Variants in ARHGEF6 observed in about 807,000 individuals in gnomAD.
ARHGEF6 encodes the protein rho guanine nucleotide exchange factor 6.
A neutral mutation model predicts 70.3 loss-of-function variants in ARHGEF6; 9 were observed. That is an observed-to-expected ratio of 0.13 (90% CI 0.08 to 0.22). ARHGEF6 has a LOEUF of 0.22. Among genes scored for constraint, ARHGEF6 ranks in the 10% least tolerant of loss-of-function variants. ARHGEF6 has a pLI of 1.00. For synonymous variants in ARHGEF6, 201 were observed against 207.8 expected (o/e 0.97, Z 0.28); for missense variants, 470 against 563.0 (o/e 0.83, Z 1.67).
At chrX:136,769,856 A>T (rs981759678) in intron 2 of ARHGEF6, among the ~76,000 whole-genome samples, 1 of 112,364 alleles carries the variant, frequency 8.9e-6, no homozygotes, top group Non-Finnish European at 1.9e-5. Context: ...CCATTCTGTA[A>T]GAAAGTAAGA....
chrX:136,741,286 T>C (rs1267556522), intron 5 of ARHGEF6, among the ~76,000 whole-genome samples: 1 of 111,876 alleles, frequency 8.9e-6, no homozygotes, highest in East Asian at 2.8e-4. Flanking sequence ...ATCCCATTTA[T>C]ACGTGAAGAC....
intron 7 of ARHGEF6, among the ~76,000 whole-genome samples, chrX:136,711,164 G>C (rs1342056217): frequency 8.9e-6 from 1 of 111,835 alleles, no homozygotes; most frequent in African/African-American, 3.3e-5. Flanking sequence ...TCTCACTACT[G>C]AGTATTTAGC....
At chrX:136,774,221 C>T (rs772682432) in intron 2 of ARHGEF6, 3 of 111,700 alleles carry the variant, frequency 2.7e-5, no homozygotes, top group Non-Finnish European at 5.6e-5. Context: ...AAATCCTGAA[C>T]AATGCCTAAC....
rs149207150 is a variant in ARHGEF6, at chrX:136,693,654, T to C, written c.1047-2906A>G. Among the ~76,000 whole-genome samples the C allele has an allele frequency of 8.2e-3, 916 of 112,156 alleles. 1 individual carries two copies. The highest frequency in any genetic ancestry group is 0.046 in the South Asian group (125 of 2,716). ...ACATACATTTATTTCATAGAATGCA[T>C]GGTGGATGGGGCTCTGGGATATTCT... On this transcript the variant is annotated intron_variant, in intron 9 of 21. Transcript: ENST00000250617.
chrX:136,739,304 C>T (rs878985834), intron 5 of ARHGEF6, among the ~76,000 whole-genome samples: 5 of 112,125 alleles, frequency 4.5e-5, no homozygotes, highest in Admixed American at 3.8e-4. Context: ...ACTGTTCCTA[C>T]AGCATCTTAC....
intron 19 of ARHGEF6, among the ~76,000 whole-genome samples, 176 bp from the exon 20 acceptor site, chrX:136,672,295 G>A (rs1434360053): frequency 1.8e-5 from 2 of 111,836 alleles, no homozygotes; most frequent in African/African-American, 3.3e-5. Context: ...TTCCTGACAT[G>A]AGAAATTCTA....
In ARHGEF6 at chrX:136,729,699, G is replaced by A. The variant is rs187698946; in HGVS notation, c.732+2403C>T. Among the ~76,000 whole-genome samples, 407 of 107,414 alleles carry A rather than the reference G, an allele frequency of 3.8e-3. 7 individuals carry two copies. Among genetic ancestry groups the A allele is most frequent in the East Asian group, 0.024 (81 of 3,416 alleles). 93.3% of individuals were successfully genotyped at this position (107,414 alleles called of 115,157 possible). A position where few individuals can be genotyped will look rare whatever the true frequency, so the allele number is the denominator to read the frequency against. On this transcript the variant is annotated intron_variant, in intron 6 of 21. Coordinates refer to ENST00000250617, the MANE Select transcript of ARHGEF6 (RefSeq NM_004840.3). ...ACAAAAATTAGCTGGGCGTGGTGGCGCTCGCCTGTAGTCCCAGCTACTCGG... is the reference window on the plus strand; with the variant it reads ...ACAAAAATTAGCTGGGCGTGGTGGCACTCGCCTGTAGTCCCAGCTACTCGG...
intron 9 of ARHGEF6, among the ~76,000 whole-genome samples, chrX:136,699,295 A>C (rs1266737812): frequency 9.0e-6 from 1 of 111,172 alleles, no homozygotes; most frequent in Non-Finnish European, 1.9e-5. Context: ...AGCATAAAAA[A>C]TGAAGTCCAT....
intron 5 of ARHGEF6, among the ~76,000 whole-genome samples, chrX:136,740,261 A>G (rs1405576597): frequency 9.0e-6 from 1 of 111,315 alleles, no homozygotes; most frequent in Admixed American, 9.5e-5. Context: ...CGCCCGCCTC[A>G]GCCTCCCAAA....
At chrX:136,689,602 C>G (rs1419146848) in intron 10 of ARHGEF6, among the ~76,000 whole-genome samples, 2 of 112,098 alleles carry the variant, frequency 1.8e-5, no homozygotes, top group Non-Finnish European at 3.8e-5. Flanking sequence ...CACCAGCTCC[C>G]CACTGCCTCC....
intron 6 of ARHGEF6, among the ~76,000 whole-genome samples, chrX:136,727,408 TC>T (rs58571637): frequency 2.6e-4 from 25 of 96,378 alleles, no homozygotes; most frequent in Middle Eastern, 5.1e-3. Flanking sequence ...TCTCTCTCTC[TC>T]TCTCTTTCTT....
chrX:136,739,819 C>T (rs2077024661), intron 5 of ARHGEF6, among the ~76,000 whole-genome samples: 1 of 110,717 alleles, frequency 9.0e-6, no homozygotes, highest in African/African-American at 3.3e-5. Flanking sequence ...GCAAGTGAGG[C>T]AGGAGCCTGT....
In ARHGEF6 at chrX:136,708,731, G is replaced by C. The variant is rs760166273; in HGVS notation, c.867C>G (p.Phe289Leu). ...TVEVTSLLGN[F>L]EEVCTFQQTL... ...TCTGTTGAAATGTGCATACTTCCTC[G>C]AAGTTTCCCAGTAAAGATGTAACCT... The change falls in exon 8 of 22, where the codon TTC (phenylalanine) becomes TTG (leucine). Residue 289 changes from phenylalanine (F) to leucine (L), a missense_variant. Transcript: ENST00000250617. 5 of 1,204,302 alleles carry C rather than the reference G, an allele frequency of 4.2e-6. No individual in the cohort carries two copies. Among genetic ancestry groups the C allele is most frequent in the South Asian group, 3.5e-5 (2 of 56,778 alleles).
At chrX:136,747,245 G>A (rs770589325) in intron 3 of ARHGEF6, among the ~76,000 whole-genome samples, 6 of 111,247 alleles carry the variant, frequency 5.4e-5, no homozygotes, top group Non-Finnish European at 7.5e-5. Context: ...TACTCAGTTG[G>A]TGATTCAGAG....
intron 2 of ARHGEF6, among the ~76,000 whole-genome samples, chrX:136,761,540 C>T (rs965585204): frequency 7.1e-5 from 8 of 112,143 alleles, no homozygotes; most frequent in African/African-American, 1.6e-4. Flanking sequence ...AACTCAGAAA[C>T]GAAAGCACTT....
intron 9 of ARHGEF6, among the ~76,000 whole-genome samples, chrX:136,695,201 T>C (rs2076498279): frequency 8.9e-6 from 1 of 112,373 alleles, no homozygotes; most frequent in South Asian, 3.7e-4. Flanking sequence ...TAGTTGAGAT[T>C]ATATTAAAAG....
chrX:136,746,422 C>T (rs1372977477), intron 3 of ARHGEF6, among the ~76,000 whole-genome samples: 1 of 111,848 alleles, frequency 8.9e-6, no homozygotes, highest in Non-Finnish European at 1.9e-5. Flanking sequence ...ACTTGTATTG[C>T]TATTATATAC....
chrX:136,700,071 G>A (rs1283955148), intron 9 of ARHGEF6, among the ~76,000 whole-genome samples: 1 of 110,837 alleles, frequency 9.0e-6, no homozygotes, highest in African/African-American at 3.3e-5. Context: ...CAGGGACTCA[G>A]GTCTACTAAA....
intron 2 of ARHGEF6, among the ~76,000 whole-genome samples, chrX:136,760,194 T>C (rs969851719): frequency 2.7e-5 from 3 of 112,592 alleles, no homozygotes; most frequent in Non-Finnish European, 5.6e-5. Context: ...GGGAGGGCCC[T>C]AAGAAACTGG....
Sources: allele counts gnomAD v4.1 joint callset (sites outside exome capture counted in the v4.1 genomes callset), GRCh38; gene constraint gnomAD v4.1.1; transcripts MANE v1.5; gene names NCBI Gene and HGNC (gene_info 2026-07-23, HGNC 2026-07-21).